BMPER: variants seen among roughly 807,000 people sequenced by gnomAD.
BMPER encodes BMP binding endothelial regulator.
In BMPER, 45 loss-of-function variants were observed where a neutral mutation model predicts 87.3. That is an observed-to-expected ratio of 0.52 (90% CI 0.41 to 0.66). The LOEUF (loss-of-function observed/expected upper bound fraction) is 0.66, where lower values mean the gene tolerates loss of function less well. Ranked by LOEUF, BMPER falls within the 30% of genes least tolerant of loss-of-function variation. The pLI is 0.00. For synonymous variants in BMPER, 326 were observed against 316.2 expected (o/e 1.03, Z -0.33); for missense variants, 784 against 867.5 (o/e 0.90, Z 1.21).
chr7:33,989,473 T>C (rs1453982141), intron 6 of BMPER, among the ~76,000 whole-genome samples: 1 of 152,232 alleles, frequency 6.6e-6, no homozygotes, highest in African/African-American at 2.4e-5. Context: ...GTTTGTTTTT[T>C]CTTGTAAATT....
chr7:33,984,221 A>G (rs944490042), intron 6 of BMPER, among the ~76,000 whole-genome samples: 9 of 152,168 alleles, frequency 5.9e-5, no homozygotes, highest in African/African-American at 2.2e-4. Flanking sequence ...TAATCCTAGC[A>G]CTTTGGGAGG....
chr7:34,035,774 C>T (rs1233444577), intron 6 of BMPER, among the ~76,000 whole-genome samples: 1 of 152,178 alleles, frequency 6.6e-6, no homozygotes, highest in African/African-American at 2.4e-5. Context: ...TGGCTTCTGC[C>T]CTCTGTGAAC....
chr7:33,999,158 A>G (rs536349951), intron 6 of BMPER, among the ~76,000 whole-genome samples: 1 of 152,382 alleles, frequency 6.6e-6, no homozygotes, highest in East Asian at 1.9e-4. Flanking sequence ...ACACAGCTTT[A>G]GAGTCAAAAT....
At chr7:34,061,451 G>C (rs1330232792) in intron 10 of BMPER, among the ~76,000 whole-genome samples, 1 of 152,134 alleles carries the variant, frequency 6.6e-6, no homozygotes, top group Non-Finnish European at 1.5e-5. Flanking sequence ...GATTCAACAT[G>C]GATAACATAC....
Position 33,905,762 on chromosome 7 carries a change from G to T in BMPER, c.133+16G>T. 6.3e-7 allele frequency: 1 copy of T among 1,591,464 alleles called. No individual in the cohort carries two copies. The highest frequency in any genetic ancestry group is 1.1e-5 in the South Asian group (1 of 90,646). On this transcript the variant is annotated intron_variant, in intron 1 of 14. Coordinates refer to ENST00000649409, the MANE Select transcript of BMPER (RefSeq NM_001365308.1). ...TTCTTGACAGGTAGGGGAGGGGGCGGGAGGGACCGGCCCTCCGGGACGCCG... is the reference window on the plus strand; with the variant it reads ...TTCTTGACAGGTAGGGGAGGGGGCGTGAGGGACCGGCCCTCCGGGACGCCG...
chr7:33,945,499 G>A (rs112101740), intron 3 of BMPER, among the ~76,000 whole-genome samples: 7,487 of 151,942 alleles, frequency 0.049, 240 homozygotes, highest in South Asian at 0.075. Flanking sequence ...TGATCCACCC[G>A]CCTCGGCCTC....
At chr7:33,964,280 T>C (rs1002521392) in intron 3 of BMPER, among the ~76,000 whole-genome samples, 1 of 152,144 alleles carries the variant, frequency 6.6e-6, no homozygotes, top group Non-Finnish European at 1.5e-5. Flanking sequence ...TTGATGGTAG[T>C]GAGGGTAGGT....
chr7:34,065,241 T>TCTCTCTCTCTCTCTCC (rs1562720549), intron 11 of BMPER, among the ~76,000 whole-genome samples: 6 of 147,648 alleles, frequency 4.1e-5, no homozygotes, highest in African/African-American at 1.5e-4. Context: ...TCTCTCTCTC[T>TCTCTCTCTCTCTCTCC]CTCTCTCCCT....
At chr7:33,946,102 G>T (rs1362709188) in intron 3 of BMPER, among the ~76,000 whole-genome samples, 4 of 152,190 alleles carry the variant, frequency 2.6e-5, no homozygotes, top group Non-Finnish European at 5.9e-5. Context: ...CTCAGGAAAA[G>T]TACAATCATG....
chr7:34,068,639 G>A (rs941396342), intron 11 of BMPER, among the ~76,000 whole-genome samples: 11 of 151,606 alleles, frequency 7.3e-5, no homozygotes, highest in African/African-American at 9.7e-5. Flanking sequence ...TTTTTTTCTC[G>A]TGGTAATTCA....
At chr7:34,028,309 TA>T (rs1225291280) in intron 6 of BMPER, among the ~76,000 whole-genome samples, 1 of 152,076 alleles carries the variant, frequency 6.6e-6, no homozygotes, top group East Asian at 1.9e-4. Context: ...AAAATACAGT[TA>T]TTTTTCATTA....
At chr7:33,984,703 A>T (rs1303340868) in intron 6 of BMPER, among the ~76,000 whole-genome samples, 1 of 152,164 alleles carries the variant, frequency 6.6e-6, no homozygotes, top group Non-Finnish European at 1.5e-5. Context: ...GTGTTTATAG[A>T]TTTGAGTGAA....
At chr7:33,992,779 C>T (rs1029753306) in intron 6 of BMPER, among the ~76,000 whole-genome samples, 20 of 145,048 alleles carry the variant, frequency 1.4e-4, no homozygotes, top group African/African-American at 4.3e-4. Flanking sequence ...CCATGTTTAG[C>T]ACTTCCTTCA....
chr7:34,000,369 A>G (rs1398908467), intron 6 of BMPER, among the ~76,000 whole-genome samples: 2 of 152,204 alleles, frequency 1.3e-5, no homozygotes, highest in African/African-American at 4.8e-5. Flanking sequence ...AAAAAATACT[A>G]TAAAAGATAT....
intron 14 of BMPER, among the ~76,000 whole-genome samples, chr7:34,147,684 G>A (rs1791066228): frequency 6.6e-6 from 1 of 152,120 alleles, no homozygotes; most frequent in Non-Finnish European, 1.5e-5. Context: ...TGGTCAGGCA[G>A]GTCTTGAACT....
chr7:33,946,901 T>C (rs530859902), intron 3 of BMPER, among the ~76,000 whole-genome samples: 2 of 152,344 alleles, frequency 1.3e-5, no homozygotes, highest in Non-Finnish European at 2.9e-5. Context: ...TTAACAATTA[T>C]TTGTGAATCC....
At position 33,932,546 on chromosome 7, in the gene BMPER, C is replaced by T. The variant is rs139219959; in HGVS notation, c.220-4743C>T. ...GGAAGGGTCTTGTGTTGATCTTCAA[C>T]ATGGCTAACCAAATGGACGATCAGC... On this transcript the variant is annotated intron_variant, in intron 2 of 14. Coordinates refer to ENST00000649409, the MANE Select transcript of BMPER (RefSeq NM_001365308.1). 2.6e-5 allele frequency among the ~76,000 whole-genome samples: 4 copies of T among 152,310 alleles called. No individual in the cohort carries two copies. The East Asian group carries it at 5.8e-4, about 22-fold the overall frequency.
In BMPER at chr7:34,100,902, G is replaced by A. The variant is rs186364969; in HGVS notation, c.1745+14810G>A. 2.6e-5 allele frequency among the ~76,000 whole-genome samples: 4 copies of A among 152,218 alleles called. No homozygotes were observed. The East Asian group carries it at 5.8e-4, about 22-fold the overall frequency. On this transcript the variant is annotated intron_variant, in intron 13 of 14. Transcript: ENST00000649409. ...GTCCACACTCCCCAGCACACATTCC[G>A]TAATGTCACCACACTGGCATGAGGT...
chr7:33,981,921 C>CTGGTGGCAGGAAGCTG (rs745720958), intron 6 of BMPER, among the ~76,000 whole-genome samples: 13 of 152,208 alleles, frequency 8.5e-5, no homozygotes, highest in Non-Finnish European at 1.5e-4. Context: ...CCCACAAGTT[C>CTGGTGGCAGGAAGCTG]TGGTGGCAGG....
Sources: allele counts gnomAD v4.1 joint callset (sites outside exome capture counted in the v4.1 genomes callset), GRCh38; gene constraint gnomAD v4.1.1; transcripts MANE v1.5; gene names NCBI Gene and HGNC (gene_info 2026-07-23, HGNC 2026-07-21).